Variants in KIF14 observed in about 807,000 individuals in gnomAD.
The protein encoded by KIF14 is kinesin family member 14.
Under a neutral mutation model 176.2 loss-of-function variants are expected in KIF14, and 98 were observed. That is an observed-to-expected ratio of 0.56 (90% CI 0.47 to 0.66). The LOEUF (loss-of-function observed/expected upper bound fraction) is 0.66, where lower values mean the gene tolerates loss of function less well. Among genes scored for constraint, KIF14 ranks in the 30% least tolerant of loss-of-function variants. The pLI, the probability that KIF14 is intolerant of heterozygous loss-of-function variation, is 0.00. For missense variants in KIF14, 1,751 were observed against 1,920.4 expected (o/e 0.91, Z 1.65); for synonymous variants, 566 against 632.2 (o/e 0.90, Z 1.57).
At position 200,554,498 on chromosome 1, in the gene KIF14, C is replaced by A; in HGVS notation, c.4537G>T (p.Ala1513Ser). Residue 1513 changes from alanine to serine, a missense_variant, in exon 29 of 30, where the codon GCT becomes TCT. Coordinates refer to ENST00000367350, the MANE Select transcript of KIF14 (RefSeq NM_014875.3). The stretch of plus-strand genomic sequence containing the variant: ...AGTGCAGAAATAATAATTTCAATAG[C>A]TTTCTCTAAGCAATGTTTTAACTTT... Reference protein sequence around the residue: ...FLKLKHCLEKAIEIIISALKG... With the variant: ...FLKLKHCLEKSIEIIISALKG... 6.5e-7 allele frequency: 1 copy of A among 1,537,732 alleles called. No individual in the cohort carries two copies. The highest frequency in any genetic ancestry group is 9.0e-7 in the Non-Finnish European group (1 of 1,115,502).
intron 23 of KIF14, among the ~76,000 whole-genome samples, chr1:200,567,529 G>A (rs1360856229): frequency 4.3e-5 from 3 of 70,010 alleles, no homozygotes; most frequent in African/African-American, 1.2e-4. Flanking sequence ...GCGAGACTCC[G>A]TCTAAAAAAA....
chr1:200,574,571 T>C (rs1318118095), intron 22 of KIF14, among the ~76,000 whole-genome samples: 1 of 152,234 alleles, frequency 6.6e-6, no homozygotes, highest in Non-Finnish European at 1.5e-5. Context: ...GGACAGAGCA[T>C]ACTTTGTATT....
chr1:200,587,288 T>C (rs951787503), intron 18 of KIF14, among the ~76,000 whole-genome samples: 1 of 151,584 alleles, frequency 6.6e-6, no homozygotes, highest in Non-Finnish European at 1.5e-5. Flanking sequence ...TTCACCACTA[T>C]ATAATTCATC....
intron 21 of KIF14, 70 bp from the exon 22 acceptor site, chr1:200,575,761 A>T: frequency 2.5e-6 from 2 of 802,288 alleles, no homozygotes; most frequent in South Asian, 4.6e-5. Context: ...AAGAAAAAAA[A>T]GATTAAATCC....
intron 23 of KIF14, among the ~76,000 whole-genome samples, chr1:200,568,839 T>TG (rs904537282): frequency 6.6e-6 from 1 of 152,190 alleles, no homozygotes; most frequent in Non-Finnish European, 1.5e-5. Context: ...ATTATGTTTC[T>TG]GGAATTCATC....
chr1:200,559,637 G>A (rs908243667), intron 26 of KIF14, among the ~76,000 whole-genome samples, 185 bp from the exon 27 acceptor site: 3 of 152,142 alleles, frequency 2.0e-5, no homozygotes, highest in Non-Finnish European at 4.4e-5. Context: ...CTAACAGTCT[G>A]TGGTCTGTAA....
In KIF14 at chr1:200,570,919, T is replaced by C. The variant is rs115104442; in HGVS notation, c.3567-914A>G. Among the ~76,000 whole-genome samples the C allele has an allele frequency of 2.7e-3, 408 of 152,210 alleles. 3 individuals are homozygous for C. The highest frequency in any genetic ancestry group is 9.5e-3 in the African/African-American group (393 of 41,520). ...ATCCTCACCTTCCTCCCACCCACCATCCTCAAATAGGCCCCAGTGTCTATT... is the reference window on the plus strand; with the variant it reads ...ATCCTCACCTTCCTCCCACCCACCACCCTCAAATAGGCCCCAGTGTCTATT... On this transcript the variant is annotated intron_variant, in intron 22 of 29. Transcript: ENST00000367350.
At chr1:200,578,338 TAA>T (rs1282776544) in intron 21 of KIF14, among the ~76,000 whole-genome samples, 1 of 152,340 alleles carries the variant, frequency 6.6e-6, no homozygotes, top group East Asian at 1.9e-4. Context: ...CAGCATCCTC[TAA>T]GTTTTTCCAT....
intron 1 of KIF14, 96 bp from the exon 2 acceptor site, chr1:200,618,934 C>T (rs1660553073): frequency 4.0e-6 from 2 of 498,302 alleles, no homozygotes; most frequent in Admixed American, 3.5e-5. Context: ...TTCCCAGAGG[C>T]ATACATTACA....
At chr1:200,595,226 G>A (rs917666171) in intron 14 of KIF14, among the ~76,000 whole-genome samples, 6 of 152,196 alleles carry the variant, frequency 3.9e-5, no homozygotes, top group Non-Finnish European at 5.9e-5. Context: ...TAAGTTAGAA[G>A]TCAACTCTTC....
In KIF14 at chr1:200,560,707, A is replaced by G. The variant is rs1237332196; in HGVS notation, c.4230+15T>C. On this transcript the variant is annotated intron_variant, in intron 26 of 29. Coordinates refer to ENST00000367350, the MANE Select transcript of KIF14 (RefSeq NM_014875.3). ...CCTCAGATGAAGTCTGTCTGAACTA[A>G]CATTGCTAAATTACCTGGACACTGG... 1.2e-5 allele frequency: 20 copies of G among 1,613,918 alleles called. No individual in the cohort carries two copies. The highest frequency in any genetic ancestry group is 1.7e-5 in the Admixed American group (1 of 60,022).
At chr1:200,571,755 A>G (rs1558055022) in intron 22 of KIF14, among the ~76,000 whole-genome samples, 1 of 152,228 alleles carries the variant, frequency 6.6e-6, no homozygotes, top group Non-Finnish European at 1.5e-5. Context: ...ATTCTCAAAT[A>G]TTACAGTTCT....
intron 7 of KIF14, among the ~76,000 whole-genome samples, 199 bp from the exon 8 acceptor site, chr1:200,605,589 T>C (rs950909533): frequency 6.6e-6 from 1 of 152,214 alleles, no homozygotes; most frequent in African/African-American, 2.4e-5. Flanking sequence ...CTTTTAATAA[T>C]TTGTATTCCC....
intron 22 of KIF14, among the ~76,000 whole-genome samples, chr1:200,572,751 A>C (rs1657880457): frequency 6.6e-6 from 1 of 152,242 alleles, no homozygotes; most frequent in Non-Finnish European, 1.5e-5. Flanking sequence ...CAAACCTAGT[A>C]ATCCTAAAAT....
chr1:200,612,147 C>A (rs1419075200), intron 4 of KIF14, among the ~76,000 whole-genome samples: 1 of 152,046 alleles, frequency 6.6e-6, no homozygotes, highest in African/African-American at 2.4e-5. Flanking sequence ...GGATTACAGG[C>A]GCCCACCACC....
In KIF14 at chr1:200,618,082, G is replaced by C; in HGVS notation, c.642C>G (p.Tyr214Ter). ...AAGCAATGGGTGGTCTATTACTTGAGTACTTAAGTGCAACATTTTCATTTG... is the reference window on the plus strand; with the variant it reads ...AAGCAATGGGTGGTCTATTACTTGACTACTTAAGTGCAACATTTTCATTTG... The part of the protein sequence containing the change: ...SRANENVALK[Y>*]SSNRPPIASL... The change falls in exon 2 of 30, where the codon TAC becomes TAG. Residue 214 changes from tyrosine to a stop codon, truncating the protein, a stop_gained. Transcript: ENST00000367350. LOFTEE classifies it high-confidence loss of function. 1 of 1,614,104 alleles carries C rather than the reference G, an allele frequency of 6.2e-7. No homozygotes were observed. The highest frequency in any genetic ancestry group is 8.5e-7 in the Non-Finnish European group (1 of 1,180,014).
intron 8 of KIF14, among the ~76,000 whole-genome samples, chr1:200,604,975 C>T (rs946913743): frequency 2.6e-5 from 4 of 151,968 alleles, no homozygotes; most frequent in Admixed American, 6.6e-5. Context: ...ATCTGGTAAA[C>T]GGTATACTGC....
chr1:200,599,301 T>A (rs1659514420), intron 13 of KIF14, among the ~76,000 whole-genome samples: 1 of 152,184 alleles, frequency 6.6e-6, no homozygotes, highest in Non-Finnish European at 1.5e-5. Context: ...CTCCTTATGA[T>A]CTCATATAAA....
chr1:200,566,453 C>T (rs1213320243), intron 23 of KIF14, among the ~76,000 whole-genome samples: 3 of 151,782 alleles, frequency 2.0e-5, no homozygotes, highest in Non-Finnish European at 4.4e-5. Context: ...ATTAGCTGGG[C>T]GTGGTGGCAC....
Sources: gnomAD v4.1 joint callset for allele counts (sites outside exome capture counted in the v4.1 genomes callset) on GRCh38, gnomAD v4.1.1 for gene constraint, MANE v1.5 for transcripts, NCBI Gene and HGNC (gene_info 2026-07-23, HGNC 2026-07-21) for gene names.